DSCAM: variants seen among roughly 807,000 people sequenced by gnomAD.
DSCAM encodes the protein DS cell adhesion molecule.
In DSCAM, 47 loss-of-function variants were observed where a neutral mutation model predicts 217.7. That is an observed-to-expected ratio of 0.22 (90% CI 0.17 to 0.28). The LOEUF (loss-of-function observed/expected upper bound fraction) is 0.28. Ranked by LOEUF, DSCAM falls within the 10% of genes least tolerant of loss-of-function variation. The pLI, the probability that DSCAM is intolerant of heterozygous loss-of-function variation, is 1.00. For synonymous variants in DSCAM, 1,056 were observed against 1,015.3 expected (o/e 1.04, Z -0.76); for missense variants, 2,080 against 2,618.3 (o/e 0.79, Z 4.49).
chr21:40,640,673 G>A (rs2089866981), intron 3 of DSCAM, among the ~76,000 whole-genome samples: 1 of 152,214 alleles, frequency 6.6e-6, no homozygotes, highest in African/African-American at 2.4e-5. Context: ...CCCAAGAGAT[G>A]TGGAGAGCAG....
chr21:40,352,994 C>T (rs2074649685), intron 5 of DSCAM, among the ~76,000 whole-genome samples: 1 of 152,162 alleles, frequency 6.6e-6, no homozygotes, highest in African/African-American at 2.4e-5. Flanking sequence ...GAGCCCCGTA[C>T]TTTGGGTGAT....
Position 40,113,150 on chromosome 21 carries a change from C to A in DSCAM, c.3696+11045G>T, listed in dbSNP as rs536332133. ...TTAGACCTATATCCCTGATGAACAT[C>A]GATGCAAAAATCCTCAGTAAAATAC... On this transcript the variant is annotated intron_variant, in intron 20 of 32. Coordinates refer to ENST00000400454, the MANE Select transcript of DSCAM (RefSeq NM_001389.5). Among the ~76,000 whole-genome samples, 203 of 152,262 alleles carry A rather than the reference C, an allele frequency of 1.3e-3. 1 individual carries two copies. Among genetic ancestry groups the A allele is most frequent in the Non-Finnish European group, 9.0e-4 (61 of 68,026 alleles).
chr21:40,290,223 GA>G (rs538455197), intron 10 of DSCAM, among the ~76,000 whole-genome samples: 37 of 152,242 alleles, frequency 2.4e-4, no homozygotes, highest in African/African-American at 7.9e-4. Context: ...CAATTCATGG[GA>G]AAAATATTTT....
intron 10 of DSCAM, among the ~76,000 whole-genome samples, chr21:40,290,122 C>A (rs2073872932): frequency 6.6e-6 from 1 of 152,146 alleles, no homozygotes; most frequent in Non-Finnish European, 1.5e-5. Context: ...GAGAAAATGA[C>A]AGCTACAGAG....
chr21:40,583,658 T>A (rs953699366), intron 3 of DSCAM, among the ~76,000 whole-genome samples: 1 of 152,186 alleles, frequency 6.6e-6, no homozygotes, highest in African/African-American at 2.4e-5. Flanking sequence ...AGAAGGAAAT[T>A]CCTTGAGTCT....
At chr21:40,383,187 G>T (rs531262110) in intron 3 of DSCAM, 1 of 152,270 alleles carries the variant, frequency 6.6e-6, no homozygotes, top group Admixed American at 6.5e-5. Context: ...AATTAGCCGG[G>T]CGTGGTGGTG....
Position 40,559,315 on chromosome 21 carries a change from G to A in DSCAM, c.508+133495C>T, listed in dbSNP as rs567745902. Among the ~76,000 whole-genome samples the A allele has an allele frequency of 1.0e-3, 153 of 152,204 alleles. 1 individual carries two copies. Among genetic ancestry groups the A allele is most frequent in the African/African-American group, 3.2e-3 (131 of 41,548 alleles). On this transcript the variant is annotated intron_variant, in intron 3 of 32. Coordinates refer to ENST00000400454, the MANE Select transcript of DSCAM (RefSeq NM_001389.5). ...CTACTAAAAATACAAAAAATTAGCC[G>A]GGCGCGGTGGCGGGCGCCTGTAGTC...
At chr21:40,292,783 C>T (rs1471956459) in intron 10 of DSCAM, among the ~76,000 whole-genome samples, 3 of 151,924 alleles carry the variant, frequency 2.0e-5, no homozygotes, top group Admixed American at 1.3e-4. Flanking sequence ...CGCTCTGTTG[C>T]ACAGGCTGGA....
At chr21:40,512,746 C>T (rs1056967480) in intron 3 of DSCAM, among the ~76,000 whole-genome samples, 4 of 151,972 alleles carry the variant, frequency 2.6e-5, no homozygotes, top group Admixed American at 2.6e-4. Flanking sequence ...TCTGACCTCC[C>T]TCGTTCACAC....
Position 40,211,874 on chromosome 21 carries a change from T to C in DSCAM, c.2357-22636A>G, listed in dbSNP as rs2091188045. 2.6e-5 allele frequency among the ~76,000 whole-genome samples: 4 copies of C among 152,326 alleles called. No homozygotes were observed. In the South Asian group the frequency reaches 8.3e-4, roughly 32 times the overall value. ...CTTGAGGTTAAAGATGATGTCTTAA[T>C]TGTGTAGACCCTAATTGTTGGCAAA... On this transcript the variant is annotated intron_variant, in intron 11 of 32. Transcript: ENST00000400454.
intron 16 of DSCAM, among the ~76,000 whole-genome samples, chr21:40,165,572 G>T (rs1040931021): frequency 6.6e-6 from 1 of 152,208 alleles, no homozygotes; most frequent in Non-Finnish European, 1.5e-5. Context: ...TAACTGCAAT[G>T]CACTGACTTT....
chr21:40,466,756 T>C (rs1214889711), intron 3 of DSCAM, among the ~76,000 whole-genome samples: 2 of 152,162 alleles, frequency 1.3e-5, no homozygotes, highest in African/African-American at 4.8e-5. Flanking sequence ...TAACATGTTA[T>C]AAATTTCTAT....
chr21:40,802,371 G>A (rs1270105610), intron 1 of DSCAM, among the ~76,000 whole-genome samples: 1 of 152,190 alleles, frequency 6.6e-6, no homozygotes, highest in Non-Finnish European at 1.5e-5. Context: ...ACTCACAGAT[G>A]AGACTGTGGA....
chr21:40,580,126 A>G (rs466693), intron 3 of DSCAM, among the ~76,000 whole-genome samples: 119,155 of 150,666 alleles, frequency 0.79, 47,261 homozygotes, highest in African/African-American at 0.84. Flanking sequence ...CTGTTGCCCA[A>G]GCTGGAGTGC....
chr21:40,481,530 C>CA (rs34586895), intron 3 of DSCAM, among the ~76,000 whole-genome samples: 6,231 of 60,324 alleles, frequency 0.1, 531 homozygotes, highest in African/African-American at 0.21. Context: ...ACTCTGTCTC[C>CA]AAAAAAAAAA....
At chr21:40,721,966 C>T (rs1015018907) in intron 1 of DSCAM, among the ~76,000 whole-genome samples, 8 of 151,820 alleles carry the variant, frequency 5.3e-5, no homozygotes, top group African/African-American at 1.9e-4. Flanking sequence ...ATAAGAATGA[C>T]AGCAGACTTC....
chr21:40,357,819 A>T (rs1342636010), intron 4 of DSCAM, among the ~76,000 whole-genome samples: 1 of 151,718 alleles, frequency 6.6e-6, no homozygotes, highest in African/African-American at 2.4e-5. Flanking sequence ...TATGTAACGA[A>T]CCTGCACGTT....
chr21:40,606,484 C>T (rs1032881978), intron 3 of DSCAM, among the ~76,000 whole-genome samples: 16 of 152,216 alleles, frequency 1.1e-4, no homozygotes, highest in African/African-American at 3.6e-4. Flanking sequence ...CAGTCAAACA[C>T]AAATATTTGT....
At chr21:40,113,081 C>A (rs899344562) in intron 20 of DSCAM, among the ~76,000 whole-genome samples, 4 of 152,116 alleles carry the variant, frequency 2.6e-5, no homozygotes, top group East Asian at 1.9e-4. Context: ...CCAGCATCAT[C>A]CTGATACCAA....
Sources: gnomAD v4.1 joint callset for allele counts (sites outside exome capture counted in the v4.1 genomes callset) on GRCh38, gnomAD v4.1.1 for gene constraint, MANE v1.5 for transcripts, NCBI Gene and HGNC (gene_info 2026-07-23, HGNC 2026-07-21) for gene names.